PDE10A: variants seen among roughly 807,000 people sequenced by gnomAD.
PDE10A encodes phosphodiesterase 10A, also known as cAMP and cAMP-inhibited cGMP 3',5'-cyclic phosphodiesterase 10A.
Under a neutral mutation model 97.7 loss-of-function variants are expected in PDE10A, and 39 were observed. The ratio of observed to expected loss-of-function variants is 0.40; its 90% CI spans 0.31 to 0.52. The LOEUF is 0.52. Among genes scored for constraint, PDE10A ranks in the 20% least tolerant of loss-of-function variants. PDE10A has a pLI of 0.56. For missense variants in PDE10A, 731 were observed against 1,047.8 expected, an observed-to-expected ratio of 0.70 and a Z score of 4.17; for synonymous variants, 371 against 376.8, an observed-to-expected ratio of 0.98 and a Z score of 0.18.
chr6:165,902,690 C>G (rs1404463672), intron 1 of PDE10A, among the ~76,000 whole-genome samples: 1 of 152,176 alleles, frequency 6.6e-6, no homozygotes, highest in Non-Finnish European at 1.5e-5. Context: ...CCTTCCCATT[C>G]CAGGTGTGGC....
intron 1 of PDE10A, among the ~76,000 whole-genome samples, chr6:165,577,000 G>A (rs1412883998): frequency 6.6e-6 from 1 of 152,172 alleles, no homozygotes; most frequent in East Asian, 1.9e-4. Flanking sequence ...GTGCATACCA[G>A]GCCTACAGCC....
At chr6:165,932,967 G>C (rs186419005) in intron 1 of PDE10A, among the ~76,000 whole-genome samples, 163 of 152,304 alleles carry the variant, frequency 1.1e-3, no homozygotes, top group Non-Finnish European at 2.1e-4. Flanking sequence ...AGGAGGGAGA[G>C]AGCCAGGCAG....
At chr6:165,828,083 T>C (rs1020379012) in intron 1 of PDE10A, among the ~76,000 whole-genome samples, 1 of 152,294 alleles carries the variant, frequency 6.6e-6, no homozygotes, top group Admixed American at 6.5e-5. Context: ...GGATTACCCA[T>C]TTGCAGAAGA....
At chr6:165,698,308 C>T (rs1176772765) in intron 1 of PDE10A, among the ~76,000 whole-genome samples, 1 of 152,102 alleles carries the variant, frequency 6.6e-6, no homozygotes, top group Admixed American at 6.5e-5. Context: ...CTATGGTAAG[C>T]CTTACATTCT....
intron 1 of PDE10A, among the ~76,000 whole-genome samples, chr6:165,694,131 T>C (rs1791381564): frequency 6.6e-6 from 1 of 152,250 alleles, no homozygotes; most frequent in Non-Finnish European, 1.5e-5. Flanking sequence ...GCATTGGTTC[T>C]ATACCAAGCT....
At chr6:165,802,727 T>G (rs1779015588) in intron 1 of PDE10A, among the ~76,000 whole-genome samples, 1 of 152,210 alleles carries the variant, frequency 6.6e-6, no homozygotes, top group Non-Finnish European at 1.5e-5. Flanking sequence ...GATATCTACC[T>G]CTGTCTCCTT....
intron 1 of PDE10A, among the ~76,000 whole-genome samples, chr6:165,834,238 G>A (rs1780009625): frequency 6.6e-6 from 1 of 152,206 alleles, no homozygotes; most frequent in African/African-American, 2.4e-5. Context: ...GTCCAGAAAT[G>A]CAGTGGGACT....
At chr6:165,511,791 G>GT in intron 2 of PDE10A, among the ~76,000 whole-genome samples, 1 of 151,740 alleles carries the variant, frequency 6.6e-6, no homozygotes, top group Admixed American at 6.6e-5. Flanking sequence ...TTTCTTTATG[G>GT]TTTTTTACTT....
chr6:165,727,758 A>G (rs1792335344), intron 1 of PDE10A, among the ~76,000 whole-genome samples: 1 of 152,216 alleles, frequency 6.6e-6, no homozygotes, highest in South Asian at 2.1e-4. Flanking sequence ...ATCCTGGTAT[A>G]TTTGTTTACT....
rs184196663 is a variant in PDE10A at position 165,800,327 on chromosome 6, C to T, written c.-615+187202G>A. 1.4e-3 allele frequency among the ~76,000 whole-genome samples: 209 copies of T among 152,298 alleles called. 1 individual carries two copies. The highest frequency in any genetic ancestry group is 3.4e-3 in the Middle Eastern group (1 of 294). ...TTATGTCTCAGGACCCTGGGACTGT[C>T]TGCCTGTAAAGGTGTAAGGAAATTG... On this transcript the variant is annotated intron_variant, in intron 1 of 19. Transcript: ENST00000366882.
At chr6:165,349,210 A>C (rs1782524993) in intron 18 of PDE10A, among the ~76,000 whole-genome samples, 1 of 152,194 alleles carries the variant, frequency 6.6e-6, no homozygotes, top group Non-Finnish European at 1.5e-5. Flanking sequence ...ACAACTCAGA[A>C]GACAGGAAGA....
chr6:165,483,681 T>C (rs1779733577), intron 2 of PDE10A, among the ~76,000 whole-genome samples: 1 of 152,200 alleles, frequency 6.6e-6, no homozygotes, highest in Non-Finnish European at 1.5e-5. Flanking sequence ...AATTAAAAGG[T>C]ATATAATTAA....
chr6:165,969,458 G>A (rs1784608080), intron 1 of PDE10A, among the ~76,000 whole-genome samples: 1 of 152,146 alleles, frequency 6.6e-6, no homozygotes, highest in Non-Finnish European at 1.5e-5. Context: ...GAGGAGAAGA[G>A]AGGTACAAAC....
intron 1 of PDE10A, among the ~76,000 whole-genome samples, chr6:165,966,954 G>A (rs945300423): frequency 2.0e-5 from 3 of 152,196 alleles, no homozygotes; most frequent in Middle Eastern, 3.2e-3. Context: ...AACTGGAAAT[G>A]AGGGTAATAC....
intron 2 of PDE10A, among the ~76,000 whole-genome samples, chr6:165,532,922 A>G (rs1431510841): frequency 6.6e-6 from 1 of 152,096 alleles, no homozygotes; most frequent in Non-Finnish European, 1.5e-5. Context: ...TTCACCACAA[A>G]ATAAGAAGTT....
rs142449360 is a variant in PDE10A, at chr6:165,847,341, G to A, written c.-615+140188C>T. The stretch of plus-strand genomic sequence containing the variant: ...TGGCTGTCATTAAGCTCACGCAAGC[G>A]GCTATATGTTACTGAAAGTTGATGG... On this transcript the variant is annotated intron_variant, in intron 1 of 19. Coordinates refer to the PDE10A transcript ENST00000366882. 1.6e-4 allele frequency among the ~76,000 whole-genome samples: 24 copies of A among 152,296 alleles called. No individual in the cohort carries two copies. The East Asian group carries it at 4.4e-3, about 28-fold the overall frequency.
At position 165,864,633 on chromosome 6, in the gene PDE10A, T is replaced by C. The variant is rs1780990014; in HGVS notation, c.-615+122896A>G. Among the ~76,000 whole-genome samples, 6 of 152,310 alleles carry C rather than the reference T, an allele frequency of 3.9e-5. No homozygotes were observed. The South Asian group carries it at 1.2e-3, about 32-fold the overall frequency. ...TGTGGCTAGTGGGAGTGAACCCCTC[T>C]TCACCTTCCTCGAAAGCTATTTGGC... On this transcript the variant is annotated intron_variant, in intron 1 of 19. Transcript: ENST00000366882.
In PDE10A at chr6:165,550,901, A is replaced by G. The variant is rs141580052; in HGVS notation, c.866-7333T>C. 6.0e-3 allele frequency among the ~76,000 whole-genome samples: 915 copies of G among 152,350 alleles called. 8 individuals are homozygous for G. The highest frequency in any genetic ancestry group is 0.021 in the African/African-American group (882 of 41,586). On this transcript the variant is annotated intron_variant, in intron 1 of 21. Transcript: ENST00000539869. ...TTTCATATTTTCCAAGCACCAAGAG[A>G]TAAGTATATATACACATTTACGTTA...
intron 1 of PDE10A, among the ~76,000 whole-genome samples, chr6:165,748,671 G>C (rs962979094): frequency 2.0e-5 from 3 of 152,196 alleles, no homozygotes; most frequent in African/African-American, 7.2e-5. Flanking sequence ...GTTCCACAAA[G>C]GCAAGGATGA....
Sources: gnomAD v4.1 joint callset for allele counts (sites outside exome capture counted in the v4.1 genomes callset) on GRCh38, gnomAD v4.1.1 for gene constraint, MANE v1.5 for transcripts, NCBI Gene and HGNC (gene_info 2026-07-23, HGNC 2026-07-21) for gene names.